ANXA4: variants seen among roughly 807,000 people sequenced by gnomAD.
ANXA4 encodes the protein annexin A4.
Under a neutral mutation model 49.8 loss-of-function variants are expected in ANXA4, and 39 were observed. That is an observed-to-expected ratio of 0.78 (90% CI 0.61 to 1.02). The LOEUF (loss-of-function observed/expected upper bound fraction) is 1.02, where lower values mean the gene tolerates loss of function less well. Among genes scored for constraint, ANXA4 ranks in the 50% least tolerant of loss-of-function variants. ANXA4 has a pLI of 0.00. For missense variants in ANXA4, 360 were observed against 410.1 expected (o/e 0.88, Z 1.05); for synonymous variants, 134 against 152.5 (o/e 0.88, Z 0.89).
chr2:69,753,548 C>T lies in ANXA4; in HGVS notation c.-47+11373C>T, dbSNP rs577565648. Among the ~76,000 whole-genome samples the T allele has an allele frequency of 3.3e-5, 5 of 152,360 alleles. No individual in the cohort carries two copies. In the South Asian group the frequency reaches 6.2e-4, roughly 19 times the overall value. ...ATCCTTTTGAAGCTGTAGCTCCAGA[C>T]ATCATGTCCTGACAACATCCAGGGC... On this transcript the variant is annotated intron_variant, in intron 1 of 12. Coordinates refer to ENST00000394295, the MANE Select transcript of ANXA4 (RefSeq NM_001153.5).
At chr2:69,690,363 C>G (rs2105371276) in intron 2 of ANXA4, among the ~76,000 whole-genome samples, 1 of 152,254 alleles carries the variant, frequency 6.6e-6, no homozygotes, top group Middle Eastern at 3.4e-3. Flanking sequence ...CTCAGCCTCC[C>G]AAGTAGCTGG....
intron 1 of ANXA4, among the ~76,000 whole-genome samples, chr2:69,773,605 TTTC>T (rs1302672300): frequency 2.0e-5 from 3 of 150,708 alleles, no homozygotes; most frequent in Non-Finnish European, 4.4e-5. Flanking sequence ...TTTCTTTTCT[TTTC>T]TTTTCTTTCC....
intron 2 of ANXA4, among the ~76,000 whole-genome samples, chr2:69,660,775 GGAGA>G (rs60225306): frequency 1.4e-4 from 20 of 145,674 alleles, no homozygotes; most frequent in South Asian, 1.1e-3. Flanking sequence ...AGGGAGGGAG[GGAGA>G]GAGAGAGAGA....
chr2:69,670,726 A>T (rs897386597), intron 2 of ANXA4, among the ~76,000 whole-genome samples: 15 of 152,016 alleles, frequency 9.9e-5, no homozygotes, highest in African/African-American at 3.6e-4. Flanking sequence ...TACATCAATC[A>T]TAAAAATCAA....
At chr2:69,806,870 T>A (rs1023543070) in intron 5 of ANXA4, among the ~76,000 whole-genome samples, 1 of 152,076 alleles carries the variant, frequency 6.6e-6, no homozygotes, top group South Asian at 2.1e-4. Flanking sequence ...AGGGAGAGGA[T>A]CAGGAAAAAT....
At chr2:69,758,115 C>T (rs1268325200) in intron 1 of ANXA4, among the ~76,000 whole-genome samples, 2 of 152,122 alleles carry the variant, frequency 1.3e-5, no homozygotes, top group African/African-American at 4.8e-5. Context: ...TGGGTTCAAG[C>T]AATTCTTGTG....
chr2:69,727,176 G>A (rs1357183559), intron 3 of ANXA4, among the ~76,000 whole-genome samples: 2 of 152,110 alleles, frequency 1.3e-5, no homozygotes, highest in Non-Finnish European at 2.9e-5. Context: ...GCCTAGCCTC[G>A]TTTCACTATT....
chr2:69,794,687 C>T (rs777683636), intron 3 of ANXA4, among the ~76,000 whole-genome samples: 45 of 152,186 alleles, frequency 3.0e-4, no homozygotes, highest in Non-Finnish European at 5.0e-4. Flanking sequence ...CTCAGCCTCC[C>T]GAGTAGCTGG....
intron 2 of ANXA4, among the ~76,000 whole-genome samples, chr2:69,668,116 G>C (rs1677009292): frequency 6.6e-6 from 1 of 152,016 alleles, no homozygotes; most frequent in Admixed American, 6.6e-5. Context: ...TGTGGAGCCG[G>C]GTAGCCTTTA....
chr2:69,771,538 G>A (rs1357452552), intron 1 of ANXA4, among the ~76,000 whole-genome samples: 1 of 152,200 alleles, frequency 6.6e-6, no homozygotes, highest in Non-Finnish European at 1.5e-5. Context: ...TATCTACTTT[G>A]CCCGCTTTCC....
intron 3 of ANXA4, among the ~76,000 whole-genome samples, chr2:69,733,780 C>T (rs1670168605): frequency 1.3e-5 from 2 of 152,076 alleles, no homozygotes; most frequent in Non-Finnish European, 2.9e-5. Context: ...TTAAAATTTA[C>T]TTTTGCTTCA....
chr2:69,813,053 A>G (rs1249585990), intron 8 of ANXA4, among the ~76,000 whole-genome samples: 2 of 152,156 alleles, frequency 1.3e-5, no homozygotes, highest in Non-Finnish European at 2.9e-5. Flanking sequence ...GACCTATATA[A>G]AATAGCTTGA....
intron 3 of ANXA4, among the ~76,000 whole-genome samples, chr2:69,800,001 T>TA: frequency 6.6e-6 from 1 of 152,368 alleles, no homozygotes; most frequent in Middle Eastern, 3.4e-3. Context: ...AAGCTTGTCT[T>TA]ACTGTTGAGA....
intron 2 of ANXA4, among the ~76,000 whole-genome samples, chr2:69,683,128 A>C (rs1341493462): frequency 6.6e-6 from 1 of 152,236 alleles, no homozygotes; most frequent in African/African-American, 2.4e-5. Context: ...ATTTCCAAGA[A>C]GTATATACAT....
At chr2:69,680,148 C>T (rs1229854335) in intron 2 of ANXA4, among the ~76,000 whole-genome samples, 1 of 152,074 alleles carries the variant, frequency 6.6e-6, no homozygotes, top group East Asian at 1.9e-4. Context: ...CAAAATATGT[C>T]TTTTCATTTG....
chr2:69,659,297 TTA>T (rs1295306340), intron 2 of ANXA4, among the ~76,000 whole-genome samples: 3 of 152,210 alleles, frequency 2.0e-5, no homozygotes, highest in African/African-American at 7.2e-5. Flanking sequence ...CTTCTCCACT[TTA>T]TGTTATAAAC....
intron 2 of ANXA4, among the ~76,000 whole-genome samples, chr2:69,654,356 T>C (rs1676360221): frequency 6.6e-6 from 1 of 152,216 alleles, no homozygotes; most frequent in South Asian, 2.1e-4. Context: ...CATCCTTGTC[T>C]TGTGCCGGTT....
rs535744794 is a variant in ANXA4 at position 69,781,553 on chromosome 2, T to C, written c.-13T>C. 1.1e-5 allele frequency: 18 copies of C among 1,614,060 alleles called. No individual in the cohort carries two copies. In the South Asian group the frequency reaches 1.9e-4, roughly 17 times the overall value. ...CTGCTTGGGTGGCTGAACTCTGATC[T>C]TGACCTAGAGTCATGGCCATGGTAA... On this transcript the variant is annotated 5_prime_UTR_variant, in exon 2 of 13. Transcript: ENST00000394295.
intron 8 of ANXA4, among the ~76,000 whole-genome samples, chr2:69,814,132 A>G (rs1032175774): frequency 7.9e-5 from 12 of 151,490 alleles, no homozygotes; most frequent in Non-Finnish European, 1.5e-4. Flanking sequence ...GGTATGAACA[A>G]CTTTGTTTTA....
Sources: allele counts gnomAD v4.1 joint callset (sites outside exome capture counted in the v4.1 genomes callset), GRCh38; gene constraint gnomAD v4.1.1; transcripts MANE v1.5; gene names NCBI Gene and HGNC (gene_info 2026-07-23, HGNC 2026-07-21).